Variants in OPA3 observed in about 807,000 individuals in gnomAD.
OPA3 encodes the protein optic atrophy 3 protein.
Under a neutral mutation model 4.0 loss-of-function variants are expected in OPA3, and 6 were observed. The ratio of observed to expected loss-of-function variants is 1.51; its 90% CI spans 0.83 to 2.99. The LOEUF (loss-of-function observed/expected upper bound fraction) is 2.99. Ranked by LOEUF, OPA3 falls within the 30% of genes most tolerant of loss-of-function variation. The pLI, the probability that OPA3 is intolerant of heterozygous loss-of-function variation, is 0.00. For missense variants in OPA3, 235 were observed against 256.2 expected, an observed-to-expected ratio of 0.92 and a Z score of 0.56; for synonymous variants, 105 against 117.1, an observed-to-expected ratio of 0.90 and a Z score of 0.67.
chr19:45,533,236 C>G (rs538884426), intron 1 of OPA3, among the ~76,000 whole-genome samples: 98 of 151,628 alleles, frequency 6.5e-4, no homozygotes, highest in African/African-American at 2.2e-3. Flanking sequence ...CACTCTGACG[C>G]CCAGGCTGGA....
At chr19:45,538,553 T>C (rs918503357) in intron 1 of OPA3, among the ~76,000 whole-genome samples, 2 of 152,030 alleles carry the variant, frequency 1.3e-5, no homozygotes, top group African/African-American at 4.8e-5. Context: ...AAACTACCTG[T>C]CTCTACTGAA....
downstream of OPA3, among the ~76,000 whole-genome samples, chr19:45,542,665 G>GTTTTTTTT (rs59474391): frequency 6.0e-3 from 622 of 103,240 alleles, no homozygotes; most frequent in Non-Finnish European, 7.2e-3. Flanking sequence ...CTGTTTTTTT[G>GTTTTTTTT]TTTTTTTTTT....
At position 45,553,687 on chromosome 19, in the gene OPA3, G is replaced by A. The variant is rs1022155897; in HGVS notation, c.367C>T (p.Arg123Trp). 13 of 1,605,692 alleles carry A rather than the reference G, an allele frequency of 8.1e-6. No individual in the cohort carries two copies. The highest frequency in any genetic ancestry group is 1.7e-4 in the Middle Eastern group (1 of 6,034). Reference sequence around the variant, plus strand: ...AGCGCCAGGTGGCCCACCTCGTCCCGCAGCGCGTTCCAGGCAGCACGCTGC... The same window carrying A: ...AGCGCCAGGTGGCCCACCTCGTCCCACAGCGCGTTCCAGGCAGCACGCTGC... Reference protein sequence around the residue: ...EEQRAAWNALRDEVGHLALAL... With the variant: ...EEQRAAWNALWDEVGHLALAL... Residue 123 changes from arginine (R) to tryptophan (W), a missense_variant, in exon 2 of 2, where the codon CGG becomes TGG. By Grantham distance (101) the Arg-to-Trp change is moderately radical. Coordinates refer to ENST00000263275, the MANE Select transcript of OPA3 (RefSeq NM_025136.4).
chr19:45,553,093 A>C lies in OPA3; in HGVS notation c.*421T>G. On this transcript the variant is annotated 3_prime_UTR_variant, in exon 2 of 2. Coordinates refer to ENST00000263275, the MANE Select transcript of OPA3 (RefSeq NM_025136.4). ...CATTTCCTTACAGTGGTCTGTGCCGATTGACAAAAAGAAGAAGGTGTTCCA... is the reference window on the plus strand; with the variant it reads ...CATTTCCTTACAGTGGTCTGTGCCGCTTGACAAAAAGAAGAAGGTGTTCCA... 1 of 1,125,312 alleles carries C rather than the reference A, an allele frequency of 8.9e-7. No individual in the cohort carries two copies. Among genetic ancestry groups the C allele is most frequent in the Admixed American group, 4.6e-5 (1 of 21,674 alleles). The allele number at this position is 1,125,312 out of a possible 1,614,324, so 69.7% of individuals were successfully genotyped here.
chr19:45,530,707 C>T (rs1969049931), intron 1 of OPA3, among the ~76,000 whole-genome samples: 1 of 151,956 alleles, frequency 6.6e-6, no homozygotes, highest in Non-Finnish European at 1.5e-5. Context: ...GATCCGCCTG[C>T]TTCAGCCTCC....
At chr19:45,572,524 AGATATATATATCATAT>A (rs1396992212) in intron 1 of OPA3, among the ~76,000 whole-genome samples, 2 of 128,202 alleles carry the variant, frequency 1.6e-5, no homozygotes, top group South Asian at 2.5e-4. Flanking sequence ...ATGAGATATG[AGATATATATATCATAT>A]GATATATATA....
downstream of OPA3, among the ~76,000 whole-genome samples, chr19:45,546,083 C>CAG (rs548107242): frequency 5.6e-3 from 857 of 152,116 alleles, 5 homozygotes; most frequent in Non-Finnish European, 9.8e-3. Flanking sequence ...AATTATTATT[C>CAG]AGAGAAACTT....
At position 45,549,928 on chromosome 19, in the gene OPA3, C is replaced by A. The variant is rs985196664; in HGVS notation, c.*3586G>T. Reference sequence around the variant, plus strand: ...ATCCCAGCACTTTGGGAGGCCGAGGCGGGCGGATTACCTGAGGTCAGGAGT... The same window carrying A: ...ATCCCAGCACTTTGGGAGGCCGAGGAGGGCGGATTACCTGAGGTCAGGAGT... On this transcript the variant is annotated 3_prime_UTR_variant, in exon 2 of 2. Coordinates refer to ENST00000263275, the MANE Select transcript of OPA3 (RefSeq NM_025136.4). 2.1e-6 allele frequency: 2 copies of A among 948,134 alleles called. No homozygotes were observed. The highest frequency in any genetic ancestry group is 2.5e-6 in the Non-Finnish European group (2 of 796,198). The allele number at this position is 948,134 out of a possible 1,614,324, so 58.7% of individuals were successfully genotyped here.
intron 1 of OPA3, among the ~76,000 whole-genome samples, chr19:45,540,582 A>AAAC (rs1969174269): frequency 6.7e-6 from 1 of 149,514 alleles, no homozygotes; most frequent in Non-Finnish European, 1.5e-5. Context: ...AAAAAAAAAA[A>AAAC]AGGGGGCCAG....
downstream of OPA3, among the ~76,000 whole-genome samples, chr19:45,542,759 C>T (rs1022445599): frequency 4.0e-5 from 6 of 151,196 alleles, no homozygotes; most frequent in Non-Finnish European, 8.8e-5. Context: ...CTGCAGCCTC[C>T]AACTCCCTGG....
chr19:45,558,359 C>T (rs1201966965), intron 1 of OPA3, among the ~76,000 whole-genome samples: 1 of 151,884 alleles, frequency 6.6e-6, no homozygotes, highest in Non-Finnish European at 1.5e-5. Context: ...AACAAACCTA[C>T]CATTCCCCGT....
At chr19:45,527,724 A>G (rs1044534432) in exon 2 of OPA3, 32 of 151,940 alleles carry the variant, frequency 2.1e-4, no homozygotes, top group African/African-American at 7.5e-4. Flanking sequence ...TCCTAATTTC[A>G]ATGACATTTT....
chr19:45,541,574 T>G (rs1023703776), downstream of OPA3, among the ~76,000 whole-genome samples: 3 of 151,788 alleles, frequency 2.0e-5, no homozygotes, highest in African/African-American at 7.3e-5. Context: ...TAAGAGAAAT[T>G]TTTTTTTGGA....
rs112373898 is a variant in OPA3 at position 45,557,324 on chromosome 19, G to T, written c.143-3413C>A. ...CAGGGCTTTCAGAGCAGGGGCCGAC[G>T]GCATTCTCCCTCGGGCCAGCGGTCA... On this transcript the variant is annotated intron_variant, in intron 1 of 1. Transcript: ENST00000263275. 3.3e-5 allele frequency among the ~76,000 whole-genome samples: 5 copies of T among 152,242 alleles called. 1 individual carries two copies. The highest frequency in any genetic ancestry group is 1.2e-4 in the African/African-American group (5 of 41,548).
Position 45,549,586 on chromosome 19 carries a change from T to C in OPA3, c.*3928A>G, listed in dbSNP as rs1845132078. 1 of 819,228 alleles carries C rather than the reference T, an allele frequency of 1.2e-6. No individual in the cohort carries two copies. The highest frequency in any genetic ancestry group is 1.5e-6 in the Non-Finnish European group (1 of 678,632). 50.7% of individuals were successfully genotyped at this position (819,228 alleles called of 1,614,324 possible). A position where few individuals can be genotyped will look rare whatever the true frequency, so the allele number is the denominator to read the frequency against. On this transcript the variant is annotated 3_prime_UTR_variant, in exon 2 of 2. Coordinates refer to ENST00000263275, the MANE Select transcript of OPA3 (RefSeq NM_025136.4). ...ACCTCCACCTCCTGGGTTCAAGCAA[T>C]TCTCGTGCCTCAGCCTCCCGAGTAG...
chr19:45,580,336 C>T (rs1969834091), intron 1 of OPA3, among the ~76,000 whole-genome samples: 2 of 146,812 alleles, frequency 1.4e-5, no homozygotes, highest in East Asian at 2.0e-4. Flanking sequence ...TCTTGTTGCC[C>T]AGGCTGGAGT....
At chr19:45,554,905 C>T (rs1028431726) in intron 1 of OPA3, among the ~76,000 whole-genome samples, 4 of 152,186 alleles carry the variant, frequency 2.6e-5, no homozygotes, top group Admixed American at 2.0e-4. Context: ...ATTCCCCTGC[C>T]TCAGTCTCCT....
intron 1 of OPA3, among the ~76,000 whole-genome samples, chr19:45,564,942 C>A (rs1969560001): frequency 6.6e-6 from 1 of 152,144 alleles, no homozygotes; most frequent in Non-Finnish European, 1.5e-5. Flanking sequence ...TAAAACTTTT[C>A]TCGGCCGGGC....
downstream of OPA3, among the ~76,000 whole-genome samples, chr19:45,542,994 T>TTTTG (rs200340220): frequency 9.9e-5 from 15 of 150,802 alleles, no homozygotes; most frequent in Non-Finnish European, 2.1e-4. Context: ...TTTTGTCTTA[T>TTTTG]TTTGTTTGTT....
Sources: gnomAD v4.1 joint callset for allele counts (sites outside exome capture counted in the v4.1 genomes callset) on GRCh38, gnomAD v4.1.1 for gene constraint, MANE v1.5 for transcripts, NCBI Gene and HGNC (gene_info 2026-07-23, HGNC 2026-07-21) for gene names.